Variants in TOM1L2 observed in about 807,000 individuals in gnomAD.
The protein encoded by TOM1L2 is TOM1-like protein 2.
Under a neutral mutation model 67.9 loss-of-function variants are expected in TOM1L2, and 31 were observed. The observed-to-expected ratio is 0.46, with a 90% confidence interval of 0.34 to 0.62. TOM1L2 has a LOEUF of 0.62. Among genes scored for constraint, TOM1L2 ranks in the 20% least tolerant of loss-of-function variants. TOM1L2 has a pLI of 0.01. For missense variants in TOM1L2, 606 were observed against 663.5 expected (o/e 0.91, Z 0.95); for synonymous variants, 256 against 254.0 (o/e 1.01, Z -0.07).
At chr17:17,936,361 C>G (rs968314000) in intron 1 of TOM1L2, among the ~76,000 whole-genome samples, 1 of 152,184 alleles carries the variant, frequency 6.6e-6, no homozygotes, top group African/African-American at 2.4e-5. Flanking sequence ...GTGCCCCTGC[C>G]CCAACCTGGG....
At position 17,847,438 on chromosome 17, in the gene TOM1L2, G is replaced by T; in HGVS notation, c.*197C>A. 1 of 666,092 alleles carries T rather than the reference G, an allele frequency of 1.5e-6. No homozygotes were observed. The highest frequency in any genetic ancestry group is 2.0e-5 in the South Asian group (1 of 50,062). 41.3% of individuals were successfully genotyped at this position (666,092 alleles called of 1,614,324 possible). A position where few individuals can be genotyped will look rare whatever the true frequency, so the allele number is the denominator to read the frequency against. Reference sequence around the variant, plus strand: ...GGGGAGAGAGTCTCTGGCTGCAGTTGTCCCACCACTCAGAGAAAAGAAGTG... The same window carrying T: ...GGGGAGAGAGTCTCTGGCTGCAGTTTTCCCACCACTCAGAGAAAAGAAGTG... On this transcript the variant is annotated 3_prime_UTR_variant, in exon 15 of 15. Coordinates refer to ENST00000379504, the MANE Select transcript of TOM1L2 (RefSeq NM_001082968.2).
chr17:17,940,534 C>A (rs1205255039), intron 1 of TOM1L2, among the ~76,000 whole-genome samples: 2 of 152,096 alleles, frequency 1.3e-5, no homozygotes, highest in Non-Finnish European at 2.9e-5. Flanking sequence ...GGGTGCAGAG[C>A]ATGGAGAAGT....
In TOM1L2 at chr17:17,943,438, C is replaced by T. The variant is rs542827880; in HGVS notation, c.52+28824G>A. Among the ~76,000 whole-genome samples the T allele has an allele frequency of 7.5e-4, 114 of 152,240 alleles. 2 individuals carry two copies. Among genetic ancestry groups the T allele is most frequent in the Non-Finnish European group, 1.0e-4 (7 of 68,014 alleles). On this transcript the variant is annotated intron_variant, in intron 1 of 14. Transcript: ENST00000379504. The stretch of plus-strand genomic sequence containing the variant: ...GCTGAATCCTGCTGCCTGGAGAGTG[C>T]AGAAAAGGCCTCAGCAAGGTAACAA...
chr17:17,955,325 CTTTTTTTTTT>C (rs67575563), intron 1 of TOM1L2, among the ~76,000 whole-genome samples: 1 of 108,146 alleles, frequency 9.2e-6, no homozygotes, highest in African/African-American at 3.9e-5. Context: ...CACACAATTC[CTTTTTTTTTT>C]TTTTTTTTTT....
At position 17,872,074 on chromosome 17, in the gene TOM1L2, A is replaced by G. The variant is rs1039814216; in HGVS notation, c.778-2601T>C. The G allele has an allele frequency of 8.1e-6, 8 of 985,148 alleles. No individual in the cohort carries two copies. In the African/African-American group the frequency reaches 1.4e-4, roughly 17 times the overall value. 61.0% of individuals were successfully genotyped at this position (985,148 alleles called of 1,614,324 possible). A position where few individuals can be genotyped will look rare whatever the true frequency, so the allele number is the denominator to read the frequency against. The stretch of plus-strand genomic sequence containing the variant: ...GACGTGGTCTGGATTGCCAGGCAAT[A>G]ATGGCCACAGGCGCCAATGGACACT... On this transcript the variant is annotated intron_variant, in intron 7 of 14. Coordinates refer to ENST00000379504, the MANE Select transcript of TOM1L2 (RefSeq NM_001082968.2).
At chr17:17,898,027 G>A (rs375010022) in intron 3 of TOM1L2, among the ~76,000 whole-genome samples, 38 of 150,868 alleles carry the variant, frequency 2.5e-4, no homozygotes, top group African/African-American at 9.0e-4. Context: ...CCGGGTTCAA[G>A]CAATTCTCCT....
At chr17:17,909,356 A>C (rs906425717) in intron 1 of TOM1L2, among the ~76,000 whole-genome samples, 1 of 152,190 alleles carries the variant, frequency 6.6e-6, no homozygotes, top group African/African-American at 2.4e-5. Context: ...GCCTGTGTCC[A>C]TCAATTAAAG....
At chr17:17,852,932 G>C (rs145556777) in intron 12 of TOM1L2, among the ~76,000 whole-genome samples, 28 of 146,988 alleles carry the variant, frequency 1.9e-4, no homozygotes, top group Admixed American at 8.8e-4. Flanking sequence ...TTATCACCCA[G>C]ACATGAAACC....
At chr17:17,955,935 C>T (rs80157839) in intron 1 of TOM1L2, among the ~76,000 whole-genome samples, 3,632 of 152,210 alleles carry the variant, frequency 0.024, 121 homozygotes, top group African/African-American at 0.076. Context: ...GTTGTTCGCT[C>T]CTACCGCCTG....
chr17:17,942,082 T>G (rs1279178007), intron 1 of TOM1L2, among the ~76,000 whole-genome samples: 1 of 152,210 alleles, frequency 6.6e-6, no homozygotes, highest in Non-Finnish European at 1.5e-5. Context: ...TTATGAGAAC[T>G]AACAGCTCCT....
intron 12 of TOM1L2, among the ~76,000 whole-genome samples, chr17:17,852,468 G>A (rs562080722): frequency 3.3e-5 from 5 of 152,214 alleles, no homozygotes; most frequent in Non-Finnish European, 7.3e-5. Context: ...GACCCAATGT[G>A]GGAAGCCCAC....
chr17:17,883,141 G>C (rs1280520483), intron 5 of TOM1L2, among the ~76,000 whole-genome samples: 1 of 152,200 alleles, frequency 6.6e-6, no homozygotes, highest in Non-Finnish European at 1.5e-5. Flanking sequence ...AGAGTGCTCT[G>C]TGAGCCCTCT....
intron 12 of TOM1L2, among the ~76,000 whole-genome samples, chr17:17,857,019 A>G (rs1159646713): frequency 6.6e-6 from 1 of 152,142 alleles, no homozygotes; most frequent in South Asian, 2.1e-4. Flanking sequence ...CAGTGGTGCA[A>G]TCTCAGCTCA....
intron 6 of TOM1L2, 64 bp from the exon 7 acceptor site, chr17:17,879,807 C>A: frequency 1.5e-6 from 2 of 1,337,368 alleles, no homozygotes; most frequent in Non-Finnish European, 1.1e-6. Flanking sequence ...CTTGCAATAT[C>A]AGAATCAGCT....
chr17:17,869,275 A>G (rs770662248), intron 8 of TOM1L2, 65 bp downstream of exon 8: 17 of 1,597,856 alleles, frequency 1.1e-5, no homozygotes, highest in Non-Finnish European at 1.4e-5. Context: ...TTATGAAAGA[A>G]ATCCCTCTGT....
chr17:17,847,630 G>A lies in TOM1L2; in HGVS notation c.*5C>T. On this transcript the variant is annotated 3_prime_UTR_variant, in exon 15 of 15. Coordinates refer to ENST00000379504, the MANE Select transcript of TOM1L2 (RefSeq NM_001082968.2). ...GCCATCTGGGGAGGCAAACCACAGA[G>A]CTGCTCACAGGGCGAAGAGGGCATC... 6.2e-7 allele frequency: 1 copy of A among 1,604,072 alleles called. No individual in the cohort carries two copies. Among genetic ancestry groups the A allele is most frequent in the Non-Finnish European group, 8.5e-7 (1 of 1,174,744 alleles).
chr17:17,899,462 G>C (rs1052414749), intron 2 of TOM1L2, among the ~76,000 whole-genome samples: 1 of 152,208 alleles, frequency 6.6e-6, no homozygotes, highest in Non-Finnish European at 1.5e-5. Flanking sequence ...AGTTGGAGTG[G>C]AGCTGTTTGG....
At chr17:17,959,378 A>G (rs1318978311) in intron 1 of TOM1L2, among the ~76,000 whole-genome samples, 1 of 152,234 alleles carries the variant, frequency 6.6e-6, no homozygotes, top group African/African-American at 2.4e-5. Context: ...AAATCCCTGC[A>G]CATTTGCTGT....
chr17:17,923,469 G>A (rs1598346367), intron 1 of TOM1L2, among the ~76,000 whole-genome samples: 1 of 151,960 alleles, frequency 6.6e-6, no homozygotes, highest in Admixed American at 6.6e-5. Context: ...TTCAACACTT[G>A]TATTAACATG....
Sources: gnomAD v4.1 joint callset for allele counts (sites outside exome capture counted in the v4.1 genomes callset) on GRCh38, gnomAD v4.1.1 for gene constraint, MANE v1.5 for transcripts, NCBI Gene and HGNC (gene_info 2026-07-23, HGNC 2026-07-21) for gene names.